Variants in BMP1 observed in about 807,000 individuals in gnomAD.
BMP1 encodes bone morphogenetic protein 1, also known as mammalian tolloid protein.
BMP1 carries 63 observed loss-of-function variants against 116.8 expected under a neutral mutation model. The observed-to-expected ratio is 0.54, with a 90% CI of 0.44 to 0.67. The LOEUF is 0.67. BMP1 is among the 30% of genes least tolerant of loss of function. The probability of loss-of-function intolerance (pLI) is 0.00; values close to 1 mark genes in which losing one functional copy is unlikely to be tolerated. For missense variants in BMP1, 1,183 were observed against 1,358.9 expected (o/e 0.87, Z 2.04); for synonymous variants, 536 against 533.4 (o/e 1.00, Z -0.07).
rs887258521 is a variant in BMP1 at position 22,179,328 on chromosome 8, T to G, written c.837-377T>G. Among the ~76,000 whole-genome samples the G allele has an allele frequency of 1.3e-5, 2 of 152,162 alleles. No individual in the cohort carries two copies. The highest frequency in any genetic ancestry group is 2.4e-5 in the African/African-American group (1 of 41,444). ...TTAGGGCTGGAGCAGCATGAGGGGC[T>G]GCAGAAGCAGGGGCCCAGTGGGGCT... On this transcript the variant is annotated intron_variant, in intron 6 of 19. Transcript: ENST00000306385. The surrounding 1 kb of genome is among the most constrained non-coding windows in gnomAD (Gnocchi z 4.6).
At chr8:22,203,721 C>T (rs1209397038) in intron 16 of BMP1, among the ~76,000 whole-genome samples, 1 of 152,178 alleles carries the variant, frequency 6.6e-6, no homozygotes, top group East Asian at 1.9e-4. Context: ...AGAAACAGAA[C>T]CGAAGCCCTC....
At chr8:22,175,527 G>T (rs1266835688) in intron 2 of BMP1, among the ~76,000 whole-genome samples, 1 of 152,162 alleles carries the variant, frequency 6.6e-6, no homozygotes, top group African/African-American at 2.4e-5. Context: ...AAAATACAGG[G>T]TCAGGTTCCT....
chr8:22,184,557 C>A (rs1828712373), intron 8 of BMP1, among the ~76,000 whole-genome samples: 1 of 152,232 alleles, frequency 6.6e-6, no homozygotes, highest in East Asian at 1.9e-4. Flanking sequence ...CCAAGTGGCA[C>A]CCTGGGGACG....
chr8:22,191,960 G>A (rs1368777376), intron 8 of BMP1, 89 bp from the exon 9 acceptor site: 11 of 1,238,048 alleles, frequency 8.9e-6, no homozygotes, highest in East Asian at 4.8e-5. Flanking sequence ...CCTGCCTCGC[G>A]TAAGGCGGGC....
Position 22,195,596 on chromosome 8 carries a change from C to A in BMP1, c.1765+9C>A, listed in dbSNP as rs746080979. On this transcript the variant is annotated intron_variant, in intron 13 of 19. Coordinates refer to ENST00000306385, the MANE Select transcript of BMP1 (RefSeq NM_006129.5). ...CAAGCGCCGCTGTGAGGGTGAGTGC[C>A]CCCAGACTGCCTCTGACCCTGTTCT... 12 of 1,610,742 alleles carry A rather than the reference C, an allele frequency of 7.4e-6. No homozygotes were observed. The Admixed American group carries it at 2.0e-4, about 27-fold the overall frequency.
intron 15 of BMP1, chr8:22,201,370 G>A (rs535706155): frequency 6.3e-5 from 92 of 1,469,610 alleles, no homozygotes; most frequent in Admixed American, 2.5e-4. Flanking sequence ...GTGCCCGTCC[G>A]CGGACCGGGG....
chr8:22,179,439 A>T lies in BMP1; in HGVS notation c.837-266A>T, dbSNP rs1460929585. ...TGAGCTGGGAGCACCAGTGGGTCCA[A>T]GGGCACCCTGGACCTGCATCCCTGA... On this transcript the variant is annotated intron_variant, in intron 6 of 19. Coordinates refer to ENST00000306385, the MANE Select transcript of BMP1 (RefSeq NM_006129.5). The surrounding 1 kb of genome is among the most constrained non-coding windows in gnomAD (Gnocchi z 4.6). Among the ~76,000 whole-genome samples the T allele has an allele frequency of 2.0e-5, 3 of 152,152 alleles. No homozygotes were observed. Among genetic ancestry groups the T allele is most frequent in the Admixed American group, 1.3e-4 (2 of 15,286 alleles).
rs1213084542 is a variant in BMP1 at position 22,211,881 on chromosome 8, G to T, written c.*153G>T. The T allele has an allele frequency of 2.9e-5, 34 of 1,175,898 alleles. No homozygotes were observed. The South Asian group carries it at 4.7e-4, about 16-fold the overall frequency. The allele number at this position is 1,175,898 out of a possible 1,614,324, so 72.8% of individuals were successfully genotyped here. On this transcript the variant is annotated 3_prime_UTR_variant, in exon 20 of 20. Transcript: ENST00000306385. ...CCTGGTGAGACTGTCCATAGGAGGTGGGGGAACTGGACTCCGGCATAAGCC... is the reference window on the plus strand; with the variant it reads ...CCTGGTGAGACTGTCCATAGGAGGTTGGGGAACTGGACTCCGGCATAAGCC...
chr8:22,181,273 C>G (rs1828612820), intron 8 of BMP1, among the ~76,000 whole-genome samples: 1 of 152,256 alleles, frequency 6.6e-6, no homozygotes, highest in Non-Finnish European at 1.5e-5. Flanking sequence ...ACCCAGTTCT[C>G]ATACTTGCTG....
At position 22,179,255 on chromosome 8, in the gene BMP1, T is replaced by A. The variant is rs1378727041; in HGVS notation, c.837-450T>A. Among the ~76,000 whole-genome samples the A allele has an allele frequency of 1.3e-5, 2 of 152,208 alleles. No homozygotes were observed. The highest frequency in any genetic ancestry group is 2.9e-5 in the Non-Finnish European group (2 of 68,030). Reference sequence around the variant, plus strand: ...TCCAGGTGCTTTCAGATGCAGCCTGTGCCAGCAGGGTGAGGAGCTGGCCTG... The same window carrying A: ...TCCAGGTGCTTTCAGATGCAGCCTGAGCCAGCAGGGTGAGGAGCTGGCCTG... On this transcript the variant is annotated intron_variant, in intron 6 of 19. Transcript: ENST00000306385. This position sits in a 1 kb window ranked among gnomAD's most constrained non-coding sequence, Gnocchi z 4.6.
At chr8:22,207,258 C>T (rs1276120204) in intron 17 of BMP1, 45 bp from the exon 18 acceptor site, 2 of 1,587,068 alleles carry the variant, frequency 1.3e-6, no homozygotes, top group African/African-American at 2.7e-5. Flanking sequence ...CCCCACCTGC[C>T]TTCCAGCCAA....
At chr8:22,177,479 C>A in intron 5 of BMP1, 1 of 702,400 alleles carries the variant, frequency 1.4e-6, no homozygotes. Flanking sequence ...CCACTATCTG[C>A]CCTCTGCCTG....
chr8:22,178,383 A>G (rs1415945542), intron 6 of BMP1, among the ~76,000 whole-genome samples: 2 of 152,136 alleles, frequency 1.3e-5, no homozygotes, highest in Non-Finnish European at 2.9e-5. Context: ...TCAAACTCCT[A>G]GGCTCAAGGA....
At chr8:22,168,025 G>A (rs377626061) in intron 1 of BMP1, among the ~76,000 whole-genome samples, 3 of 152,160 alleles carry the variant, frequency 2.0e-5, no homozygotes, top group African/African-American at 7.2e-5. Flanking sequence ...GGAACTGAAA[G>A]CTCCTTTGAC....
At chr8:22,173,544 T>C in intron 1 of BMP1, 58 bp from the exon 2 acceptor site, 1 of 1,354,740 alleles carries the variant, frequency 7.4e-7, no homozygotes, top group Non-Finnish European at 1.0e-6. Context: ...AGAAGCACGG[T>C]GCACCTAGGG....
At position 22,209,711 on chromosome 8, in the gene BMP1, C is replaced by A; in HGVS notation, c.2826+16C>A. ...TGGCTCAGGGGTGAGGCCCCCACCC[C>A]TCGCCCTCCTGGCCCCATGCCCCAC... is the stretch of plus-strand genomic sequence containing the variant. On this transcript the variant is annotated intron_variant, in intron 19 of 19. Coordinates refer to ENST00000306385, the MANE Select transcript of BMP1 (RefSeq NM_006129.5). 1.9e-6 allele frequency: 3 copies of A among 1,610,814 alleles called. No homozygotes were observed. Among genetic ancestry groups the A allele is most frequent in the Non-Finnish European group, 2.5e-6 (3 of 1,179,296 alleles).
intron 1 of BMP1, 109 bp downstream of exon 1, chr8:22,165,662 GT>G: frequency 1.6e-6 from 2 of 1,232,454 alleles, no homozygotes; most frequent in Non-Finnish European, 2.1e-6. Flanking sequence ...GAGCTGCCTG[GT>G]TGGCAATGCA....
intron 16 of BMP1, among the ~76,000 whole-genome samples, chr8:22,204,583 C>T (rs1452814233): frequency 5.3e-5 from 8 of 152,198 alleles, no homozygotes; most frequent in South Asian, 2.1e-4. Flanking sequence ...ATTAGCCAGG[C>T]GTGGTGGCGC....
intron 8 of BMP1, 101 bp from the exon 9 acceptor site, chr8:22,191,948 G>A: frequency 2.8e-6 from 3 of 1,059,830 alleles, no homozygotes; most frequent in Non-Finnish European, 4.2e-6. Context: ...CGCCCAGGGG[G>A]ACCTGCCTCG....
Sources: allele counts gnomAD v4.1 joint callset (sites outside exome capture counted in the v4.1 genomes callset), GRCh38; gene constraint gnomAD v4.1.1; non-coding constraint Gnocchi (gnomAD v3.1); transcripts MANE v1.5; gene names NCBI Gene and HGNC (gene_info 2026-07-23, HGNC 2026-07-21).